Variants in DCDC1 observed in about 807,000 individuals in gnomAD.
DCDC1 encodes the protein doublecortin domain containing 1, also known as doublecortin domain-containing protein 1.
Under a neutral mutation model 178.3 loss-of-function variants are expected in DCDC1, and 200 were observed. The observed-to-expected ratio is 1.12, with a 90% CI of 1.00 to 1.26. DCDC1 has a LOEUF of 1.26. Ranked by LOEUF, DCDC1 falls within the 50% of genes most tolerant of loss-of-function variation. The pLI, the probability that DCDC1 is intolerant of heterozygous loss-of-function variation, is 0.00. For missense variants in DCDC1, 1,983 were observed against 1,749.2 expected, an observed-to-expected ratio of 1.13 and a Z score of -2.38; for synonymous variants, 690 against 604.8, an observed-to-expected ratio of 1.14 and a Z score of -2.07.
intron 3 of DCDC1, 95 bp from the exon 4 acceptor site, chr11:31,308,003 C>T: frequency 6.7e-7 from 1 of 1,488,078 alleles, no homozygotes; most frequent in Non-Finnish European, 9.1e-7. Flanking sequence ...CTATGTGCTA[C>T]ACAAAATACT....
At chr11:31,114,749 G>C (rs1210452082) in intron 11 of DCDC1, among the ~76,000 whole-genome samples, 3 of 152,120 alleles carry the variant, frequency 2.0e-5, no homozygotes, top group African/African-American at 7.2e-5. Context: ...GAATGAAATG[G>C]GGAATCACTG....
chr11:31,368,692 A>T (rs529961814), intron 1 of DCDC1, among the ~76,000 whole-genome samples: 1 of 152,310 alleles, frequency 6.6e-6, no homozygotes, highest in Admixed American at 6.5e-5. Flanking sequence ...GCTTAAGTTT[A>T]TCTTGACTGC....
At chr11:31,362,500 T>A (rs539055388) in intron 1 of DCDC1, among the ~76,000 whole-genome samples, 5 of 152,344 alleles carry the variant, frequency 3.3e-5, no homozygotes, top group African/African-American at 1.2e-4. Flanking sequence ...TCATTCCTCA[T>A]CACTTCAGAC....
intron 21 of DCDC1, among the ~76,000 whole-genome samples, chr11:30,934,329 T>C (rs539969403): frequency 7.1e-4 from 108 of 152,310 alleles, no homozygotes; most frequent in Non-Finnish European, 1.1e-3. Context: ...TCTTGTGGAA[T>C]GCCAGGGTGA....
chr11:30,922,307 T>C (rs1454774716), intron 24 of DCDC1, among the ~76,000 whole-genome samples, 196 bp downstream of exon 24: 1 of 152,222 alleles, frequency 6.6e-6, no homozygotes, highest in Non-Finnish European at 1.5e-5. Context: ...GATGATGTTC[T>C]CTTTGCACAT....
chr11:30,922,225 A>T (rs1158619939), intron 24 of DCDC1, among the ~76,000 whole-genome samples: 2 of 152,220 alleles, frequency 1.3e-5, no homozygotes, highest in Non-Finnish European at 2.9e-5. Flanking sequence ...TGGATGGAAC[A>T]AAATGTAAAC....
chr11:31,157,367 A>AT lies in DCDC1; in HGVS notation c.1222-19584_1222-19583insA, dbSNP rs1344425103. 3.3e-3 allele frequency among the ~76,000 whole-genome samples: 345 copies of AT among 105,464 alleles called. 1 individual carries two copies. The highest frequency in any genetic ancestry group is 9.1e-3 in the Middle Eastern group (2 of 220). 69.2% of individuals were successfully genotyped at this position (105,464 alleles called of 152,430 possible). ...CAAGACCCTTTCTCAAAAAAAAAAAAAAAAAATATATATATATATACATAT... is the reference window on the plus strand; with the variant it reads ...CAAGACCCTTTCTCAAAAAAAAAAAATAAAAAATATATATATATATACATAT... On this transcript the variant is annotated intron_variant, in intron 9 of 38. Coordinates refer to ENST00000684477, the MANE Select transcript of DCDC1 (RefSeq NM_001387274.1).
At chr11:30,884,809 A>C (rs930540290) in intron 36 of DCDC1, among the ~76,000 whole-genome samples, 1 of 152,096 alleles carries the variant, frequency 6.6e-6, no homozygotes, top group Admixed American at 6.5e-5. Context: ...AAATACAAAA[A>C]TAAAAGAATA....
At chr11:30,955,812 C>T (rs1367792988) in intron 20 of DCDC1, among the ~76,000 whole-genome samples, 1 of 152,132 alleles carries the variant, frequency 6.6e-6, no homozygotes, top group African/African-American at 2.4e-5. Flanking sequence ...AACCCATTGC[C>T]CCTTCTCCTT....
chr11:31,153,474 G>A (rs1375560023), intron 9 of DCDC1, among the ~76,000 whole-genome samples: 4 of 152,118 alleles, frequency 2.6e-5, no homozygotes, highest in African/African-American at 9.7e-5. Context: ...GGGATGTGGA[G>A]AATATAAGGA....
In DCDC1 at chr11:30,873,143, C is replaced by T. The variant is rs150953051; in HGVS notation, c.*40+5401G>A. 7.7e-3 allele frequency among the ~76,000 whole-genome samples: 1,166 copies of T among 150,990 alleles called. 16 individuals are homozygous for T. The highest frequency in any genetic ancestry group is 0.026 in the African/African-American group (1,076 of 41,164). ...TCTATCTTCTGCATATATATACACA[C>T]GCACAGTTTTAACATTGGGAAAGCT... is the stretch of plus-strand genomic sequence containing the variant. On this transcript the variant is annotated intron_variant, in intron 38 of 38. Coordinates refer to ENST00000684477, the MANE Select transcript of DCDC1 (RefSeq NM_001387274.1).
intron 1 of DCDC1, among the ~76,000 whole-genome samples, chr11:31,348,725 A>C (rs1472965694): frequency 1.3e-5 from 2 of 152,128 alleles, no homozygotes; most frequent in Non-Finnish European, 2.9e-5. Flanking sequence ...ACTCAACCTT[A>C]CTAGGAGACA....
intron 22 of DCDC1, among the ~76,000 whole-genome samples, chr11:30,929,787 T>C (rs1168332024): frequency 6.6e-6 from 1 of 152,064 alleles, no homozygotes; most frequent in African/African-American, 2.4e-5. Flanking sequence ...AATTTGCCTG[T>C]GACACAAGAA....
At chr11:31,342,645 A>G (rs1282953987) in intron 1 of DCDC1, among the ~76,000 whole-genome samples, 2 of 152,294 alleles carry the variant, frequency 1.3e-5, no homozygotes, top group East Asian at 3.9e-4. Context: ...ATCTTTAACA[A>G]CCATTGTCTT....
At chr11:31,014,484 C>T (rs1039509905) in intron 20 of DCDC1, among the ~76,000 whole-genome samples, 2 of 152,136 alleles carry the variant, frequency 1.3e-5, no homozygotes, top group Non-Finnish European at 2.9e-5. Context: ...CATGGAAAAC[C>T]CTGAGACAGA....
At chr11:31,211,049 G>C (rs1972471951) in intron 9 of DCDC1, among the ~76,000 whole-genome samples, 1 of 152,110 alleles carries the variant, frequency 6.6e-6, no homozygotes, top group Non-Finnish European at 1.5e-5. Context: ...TTGATCTCTG[G>C]ACTACTTCAG....
At chr11:31,323,436 A>C (rs1244918820) in intron 3 of DCDC1, among the ~76,000 whole-genome samples, 3 of 152,206 alleles carry the variant, frequency 2.0e-5, no homozygotes, top group Non-Finnish European at 4.4e-5. Flanking sequence ...ATATGAAATG[A>C]AGTACATCAA....
At chr11:30,947,396 T>C (rs1357965248) in intron 21 of DCDC1, among the ~76,000 whole-genome samples, 1 of 152,090 alleles carries the variant, frequency 6.6e-6, no homozygotes, top group East Asian at 1.9e-4. Flanking sequence ...AGATGGCCTA[T>C]AAATAAATTC....
chr11:30,957,273 A>G (rs1332479074), intron 20 of DCDC1, among the ~76,000 whole-genome samples: 2 of 152,086 alleles, frequency 1.3e-5, no homozygotes, highest in East Asian at 1.9e-4. Flanking sequence ...ACCCACATCC[A>G]TGACTAGTTA....
Sources: gnomAD v4.1 joint callset for allele counts (sites outside exome capture counted in the v4.1 genomes callset) on GRCh38, gnomAD v4.1.1 for gene constraint, MANE v1.5 for transcripts, NCBI Gene and HGNC (gene_info 2026-07-23, HGNC 2026-07-21) for gene names.